Variants in GRIP1 observed in about 807,000 individuals in gnomAD.
GRIP1 encodes the protein glutamate receptor-interacting protein 1.
A neutral mutation model predicts 129.9 loss-of-function variants in GRIP1; 45 were observed. The observed-to-expected ratio is 0.35, with a 90% CI of 0.27 to 0.44. The LOEUF is 0.44. GRIP1 is among the 20% of genes least tolerant of loss of function. The pLI, the probability that GRIP1 is intolerant of heterozygous loss-of-function variation, is 1.00. For synonymous variants in GRIP1, 530 were observed against 520.8 expected, an observed-to-expected ratio of 1.02 and a Z score of -0.24; for missense variants, 1,196 against 1,396.8, an observed-to-expected ratio of 0.86 and a Z score of 2.29.
intron 1 of GRIP1, among the ~76,000 whole-genome samples, chr12:66,897,452 TA>T (rs1177651869): frequency 3.3e-5 from 5 of 152,216 alleles, no homozygotes; most frequent in Non-Finnish European, 7.3e-5. Flanking sequence ...GCACATGCTA[TA>T]ATACCATTTA....
chr12:66,936,426 C>CAAA (rs35370978), intron 1 of GRIP1, among the ~76,000 whole-genome samples: 2 of 88,106 alleles, frequency 2.3e-5, no homozygotes, highest in Non-Finnish European at 2.4e-5. Context: ...ACCCTGTCTC[C>CAAA]AAAAAAAAAA....
intron 7 of GRIP1, among the ~76,000 whole-genome samples, chr12:66,495,292 A>G (rs1357354505): frequency 6.6e-6 from 1 of 152,208 alleles, no homozygotes; most frequent in African/African-American, 2.4e-5. Flanking sequence ...TGTTCCTAAA[A>G]GAAAGTTATG....
chr12:66,575,082 C>G (rs1007860031), intron 2 of GRIP1, among the ~76,000 whole-genome samples: 21 of 152,194 alleles, frequency 1.4e-4, no homozygotes, highest in African/African-American at 4.8e-4. Flanking sequence ...TCCATTCCCA[C>G]TTTTCAACAG....
chr12:66,546,837 G>T (rs2061961990), intron 2 of GRIP1, among the ~76,000 whole-genome samples: 1 of 150,098 alleles, frequency 6.7e-6, no homozygotes, highest in South Asian at 2.1e-4. Flanking sequence ...AAAATTTTAA[G>T]ATCTAGGTTT....
In GRIP1 at chr12:66,406,379, G is replaced by T; in HGVS notation, c.1888C>A (p.Arg630=). Residue 630 remains arginine, a synonymous_variant, in exon 16 of 25, where the codon CGG becomes AGG. Coordinates refer to ENST00000359742, the MANE Select transcript of GRIP1 (RefSeq NM_001366722.1). The part of the protein sequence containing the change: ...GDKLLAIDNI[R]LDNCSMEDAV... The stretch of plus-strand genomic sequence containing the variant: ...TCTTCCATGGAACAGTTGTCCAGCC[G>T]GATATTATCTATTGCGAGCAATTTA... 6.2e-7 allele frequency: 1 copy of T among 1,613,950 alleles called. No homozygotes were observed. The highest frequency in any genetic ancestry group is 8.5e-7 in the Non-Finnish European group (1 of 1,179,854).
chr12:66,931,016 C>T (rs1036216170), intron 1 of GRIP1, among the ~76,000 whole-genome samples: 1 of 150,946 alleles, frequency 6.6e-6, no homozygotes, highest in South Asian at 2.1e-4. Context: ...TTTTAAAATG[C>T]AATGCACTCC....
chr12:66,793,450 GA>G (rs991776941), intron 1 of GRIP1, among the ~76,000 whole-genome samples: 1 of 151,624 alleles, frequency 6.6e-6, no homozygotes, highest in East Asian at 1.9e-4. Flanking sequence ...GATTCAGTGG[GA>G]AAAAAAACAA....
At position 66,525,171 on chromosome 12, in the gene GRIP1, C is replaced by G. The variant is rs374657375; in HGVS notation, c.502+4660G>C. On this transcript the variant is annotated intron_variant, in intron 5 of 24. Transcript: ENST00000359742. ...TAGAAAAAGAGGGAATCCTCCCTAACTCAATTTATGAGGTTTGCATTATCC... is the reference window on the plus strand; with the variant it reads ...TAGAAAAAGAGGGAATCCTCCCTAAGTCAATTTATGAGGTTTGCATTATCC... Among the ~76,000 whole-genome samples, 38 of 152,328 alleles carry G rather than the reference C, an allele frequency of 2.5e-4. 1 individual carries two copies. The East Asian group carries it at 3.5e-3, about 14-fold the overall frequency.
chr12:67,065,225 G>A (rs1192592768), intron 1 of GRIP1: 3 of 152,130 alleles, frequency 2.0e-5, no homozygotes, highest in East Asian at 1.9e-4. Flanking sequence ...TGCAGTACCA[G>A]CTACTCAGGA....
intron 1 of GRIP1, among the ~76,000 whole-genome samples, chr12:66,676,695 G>A (rs1403220692): frequency 6.6e-6 from 1 of 152,160 alleles, no homozygotes. Context: ...GGGTGTGGGA[G>A]TTGTGTGAGT....
At chr12:66,448,420 T>C (rs2058690091) in intron 11 of GRIP1, among the ~76,000 whole-genome samples, 2 of 152,226 alleles carry the variant, frequency 1.3e-5, no homozygotes, top group Non-Finnish European at 2.9e-5. Flanking sequence ...ATTTGGGCTT[T>C]CATTATTTTT....
intron 1 of GRIP1, among the ~76,000 whole-genome samples, chr12:66,749,531 C>T (rs1471865644): frequency 6.6e-6 from 1 of 152,166 alleles, no homozygotes; most frequent in Admixed American, 6.5e-5. Flanking sequence ...TTTACTGACT[C>T]TTCTTAAACG....
intron 1 of GRIP1, among the ~76,000 whole-genome samples, chr12:66,762,312 C>T (rs1353851291): frequency 6.6e-6 from 1 of 152,174 alleles, no homozygotes; most frequent in African/African-American, 2.4e-5. Context: ...ACTCCTACTC[C>T]ACAACTGCAT....
upstream of GRIP1, among the ~76,000 whole-genome samples, chr12:66,808,117 C>T (rs1218686403): frequency 6.6e-6 from 1 of 151,928 alleles, no homozygotes. Context: ...GAGAATGGCC[C>T]TTTCACTCCA....
At chr12:66,769,900 G>T (rs974087496) in intron 1 of GRIP1, among the ~76,000 whole-genome samples, 1 of 152,158 alleles carries the variant, frequency 6.6e-6, no homozygotes, top group East Asian at 1.9e-4. Context: ...TAGATAATAA[G>T]AGAACTAAAC....
chr12:66,969,948 T>G (rs1015377871), intron 1 of GRIP1, among the ~76,000 whole-genome samples: 1 of 152,210 alleles, frequency 6.6e-6, no homozygotes, highest in Non-Finnish European at 1.5e-5. Flanking sequence ...TGTTATCTAC[T>G]TTTTCTATTA....
chr12:66,803,158 C>T (rs943918426), intron 1 of GRIP1, among the ~76,000 whole-genome samples: 2 of 152,122 alleles, frequency 1.3e-5, no homozygotes, highest in African/African-American at 4.8e-5. Context: ...CATGATTAGA[C>T]ATCAAAAGAC....
chr12:66,995,431 T>A (rs1681611792), intron 1 of GRIP1, among the ~76,000 whole-genome samples: 2 of 151,942 alleles, frequency 1.3e-5, no homozygotes, highest in African/African-American at 4.8e-5. Flanking sequence ...AGGAGAAAAA[T>A]TTTGAAAACC....
intron 1 of GRIP1, among the ~76,000 whole-genome samples, chr12:66,986,112 A>C (rs1167137926): frequency 6.6e-6 from 1 of 152,196 alleles, no homozygotes; most frequent in Non-Finnish European, 1.5e-5. Flanking sequence ...CTGAATGCAC[A>C]TCACAATCCA....
Sources: allele counts gnomAD v4.1 joint callset (sites outside exome capture counted in the v4.1 genomes callset), GRCh38; gene constraint gnomAD v4.1.1; transcripts MANE v1.5; gene names NCBI Gene and HGNC (gene_info 2026-07-23, HGNC 2026-07-21).